Variants in HMG20A observed in about 807,000 individuals in gnomAD.
HMG20A encodes the protein high mobility group protein 20A.
A neutral mutation model predicts 43.9 loss-of-function variants in HMG20A; 17 were observed. That is an observed-to-expected ratio of 0.39 (90% CI 0.27 to 0.58). The LOEUF is 0.58. Among genes scored for constraint, HMG20A ranks in the 20% least tolerant of loss-of-function variants. The pLI is 0.59. For missense variants in HMG20A, 341 were observed against 438.2 expected, an observed-to-expected ratio of 0.78 and a Z score of 1.98; for synonymous variants, 132 against 147.5, an observed-to-expected ratio of 0.89 and a Z score of 0.76.
At chr15:77,453,203 C>T (rs1445871210) in intron 1 of HMG20A, among the ~76,000 whole-genome samples, 1 of 152,174 alleles carries the variant, frequency 6.6e-6, no homozygotes, top group African/African-American at 2.4e-5. Flanking sequence ...TGCACTCCAG[C>T]ATGGACAACA....
At chr15:77,437,295 G>C (rs1436080608) in intron 1 of HMG20A, among the ~76,000 whole-genome samples, 1 of 152,044 alleles carries the variant, frequency 6.6e-6, no homozygotes, top group Non-Finnish European at 1.5e-5. Context: ...TTGTATTGCT[G>C]GTATCTTAAC....
chr15:77,454,240 T>C (rs2072634307), intron 1 of HMG20A, among the ~76,000 whole-genome samples: 1 of 151,890 alleles, frequency 6.6e-6, no homozygotes, highest in Admixed American at 6.6e-5. Flanking sequence ...GAATGGGGAT[T>C]GTTTGCTAAA....
At chr15:77,452,732 C>CAA (rs2072615678) in intron 1 of HMG20A, among the ~76,000 whole-genome samples, 1 of 148,408 alleles carries the variant, frequency 6.7e-6, no homozygotes, top group Non-Finnish European at 1.5e-5. Context: ...CACAAGCAAC[C>CAA]AAAGAAAAAA....
At chr15:77,469,241 AACAT>A (rs1163438037) in intron 4 of HMG20A, among the ~76,000 whole-genome samples, 2 of 151,076 alleles carry the variant, frequency 1.3e-5, no homozygotes, top group African/African-American at 4.8e-5. Flanking sequence ...ACGATTTAAG[AACAT>A]ACAAACAGCC....
intron 1 of HMG20A, among the ~76,000 whole-genome samples, chr15:77,423,824 G>T (rs566985774): frequency 1.3e-5 from 2 of 152,106 alleles, no homozygotes; most frequent in Non-Finnish European, 2.9e-5. Context: ...TGTTTTTGCC[G>T]TAGGGTTGAG....
At chr15:77,465,201 C>T (rs2142336734) in intron 3 of HMG20A, among the ~76,000 whole-genome samples, 1 of 122,870 alleles carries the variant, frequency 8.1e-6, no homozygotes, top group African/African-American at 3.1e-5. Flanking sequence ...GCAGAGGTTG[C>T]AGTGAGCCAA....
chr15:77,474,911 A>G (rs1303102374), intron 6 of HMG20A, among the ~76,000 whole-genome samples: 1 of 152,170 alleles, frequency 6.6e-6, no homozygotes, highest in African/African-American at 2.4e-5. Flanking sequence ...TCCACTCAAT[A>G]TATAGAATGG....
rs1595935076 is a variant in HMG20A, at chr15:77,483,810, T to C, written c.*847T>C. 6.6e-6 allele frequency: 1 copy of C among 152,652 alleles called. No individual in the cohort carries two copies. Among genetic ancestry groups the C allele is most frequent in the African/African-American group, 2.4e-5 (1 of 41,458 alleles). The allele number at this position is 152,652 out of a possible 1,614,324, so 9.5% of individuals were successfully genotyped here. A position where few individuals can be genotyped will look rare whatever the true frequency, so the allele number is the denominator to read the frequency against. On this transcript the variant is annotated 3_prime_UTR_variant, in exon 10 of 10. Transcript: ENST00000336216. ...TGGAGCATTTTTGCTGAGGAAAAGGTCACTTGTAAACAGAGGAGAAAGGGA... is the reference window on the plus strand; with the variant it reads ...TGGAGCATTTTTGCTGAGGAAAAGGCCACTTGTAAACAGAGGAGAAAGGGA...
intron 2 of HMG20A, among the ~76,000 whole-genome samples, chr15:77,459,527 A>T (rs1157942147): frequency 2.6e-5 from 4 of 152,226 alleles, no homozygotes; most frequent in Admixed American, 2.6e-4. Context: ...GGGTTTGGGG[A>T]TGCAGTTTTA....
At chr15:77,469,065 G>A (rs2072783184) in intron 4 of HMG20A, among the ~76,000 whole-genome samples, 1 of 151,554 alleles carries the variant, frequency 6.6e-6, no homozygotes. Context: ...TTAGATTGAG[G>A]TTGCGCATTC....
chr15:77,484,580 A>T lies in HMG20A; in HGVS notation c.*1617A>T, dbSNP rs2142370377. 6.6e-6 allele frequency: 1 copy of T among 152,420 alleles called. No individual in the cohort carries two copies. The highest frequency in any genetic ancestry group is 2.1e-4 in the South Asian group (1 of 4,824). 9.4% of individuals were successfully genotyped at this position (152,420 alleles called of 1,614,324 possible). On this transcript the variant is annotated 3_prime_UTR_variant, in exon 10 of 10. Transcript: ENST00000336216. ...CTGTTTTCTTTATTAGTCCAAAGGA[A>T]AACAACAGCAACAAAATCTGTTTTT...
In HMG20A at chr15:77,444,187, C is replaced by A. The variant is rs552693856; in HGVS notation, c.-4-14217C>A. ...TGAGGTAAATAGAATAAGTTTTAGC[C>A]CCATTTTACATATAAGGGTATTGAA... On this transcript the variant is annotated intron_variant, in intron 1 of 9. Transcript: ENST00000336216. Among the ~76,000 whole-genome samples the A allele has an allele frequency of 2.7e-4, 41 of 152,102 alleles. 1 individual carries two copies. In the South Asian group the frequency reaches 5.4e-3, roughly 20 times the overall value.
chr15:77,484,322 A>ATTGTTTTTGTTT lies in HMG20A; in HGVS notation c.*1373_*1384dup. On this transcript the variant is annotated 3_prime_UTR_variant, in exon 10 of 10. Transcript: ENST00000336216. ...TTACCTCAGGGTTTTTTGGTTGTTC[A>ATTGTTTTTGTTT]TTGTTTTTGTTTTTGTTTTTGTTTT... 6.6e-6 allele frequency: 1 copy of ATTGTTTTTGTTT among 152,622 alleles called. No individual in the cohort carries two copies. The highest frequency in any genetic ancestry group is 2.4e-5 in the African/African-American group (1 of 41,552). 9.5% of individuals were successfully genotyped at this position (152,622 alleles called of 1,614,324 possible).
chr15:77,458,107 A>G, intron 1 of HMG20A: 1 of 232,476 alleles, frequency 4.3e-6, no homozygotes, highest in South Asian at 5.6e-5. Context: ...CAATTTCTAC[A>G]GGAAATGAAT....
At chr15:77,472,106 G>T (rs1429146163) in intron 6 of HMG20A, among the ~76,000 whole-genome samples, 1 of 152,008 alleles carries the variant, frequency 6.6e-6, no homozygotes, top group Non-Finnish European at 1.5e-5. Flanking sequence ...AGAAATGAGG[G>T]CTAGCTGAAA....
At chr15:77,477,435 T>C in intron 6 of HMG20A, 120 bp from the exon 7 acceptor site, 5 of 725,978 alleles carry the variant, frequency 6.9e-6, no homozygotes, top group Non-Finnish European at 1.2e-5. Context: ...CAGACTCACC[T>C]GGACTGATTC....
At chr15:77,422,489 G>A (rs558590486) in intron 1 of HMG20A, among the ~76,000 whole-genome samples, 3 of 152,232 alleles carry the variant, frequency 2.0e-5, no homozygotes, top group African/African-American at 7.2e-5. Flanking sequence ...GGTGGCGTGC[G>A]CCTGTAGTCC....
intron 9 of HMG20A, among the ~76,000 whole-genome samples, chr15:77,480,482 G>A (rs959163651): frequency 4.6e-5 from 7 of 151,330 alleles, no homozygotes; most frequent in Non-Finnish European, 8.8e-5. Context: ...GCATGATGGC[G>A]CACACCTATA....
chr15:77,483,546 C>T lies in HMG20A; in HGVS notation c.*583C>T, dbSNP rs2072922254. ...TTCTCCCATCATTGCCCTGCTGTGA[C>T]TCCAAAGAAAGGAGCTTCTTGCTGA... On this transcript the variant is annotated 3_prime_UTR_variant, in exon 10 of 10. Transcript: ENST00000336216. 6.5e-6 allele frequency: 1 copy of T among 152,804 alleles called. No individual in the cohort carries two copies. The highest frequency in any genetic ancestry group is 6.5e-5 in the Admixed American group (1 of 15,282). 9.5% of individuals were successfully genotyped at this position (152,804 alleles called of 1,614,324 possible).
Sources: allele counts gnomAD v4.1 joint callset (sites outside exome capture counted in the v4.1 genomes callset), GRCh38; gene constraint gnomAD v4.1.1; transcripts MANE v1.5; gene names NCBI Gene and HGNC (gene_info 2026-07-23, HGNC 2026-07-21).